The following IFT88 variants were observed in gnomAD, a reference collection of about 807,000 sequenced individuals.
IFT88 encodes intraflagellar transport protein 88 homolog.
IFT88 carries 74 observed loss-of-function variants against 119.5 expected under a neutral mutation model. That is an observed-to-expected ratio of 0.62 (90% CI 0.51 to 0.75). The LOEUF (loss-of-function observed/expected upper bound fraction) is 0.75. Among genes scored for constraint, IFT88 ranks in the 30% least tolerant of loss-of-function variants. The pLI is 0.00. For missense variants in IFT88, 961 were observed against 977.7 expected (o/e 0.98, Z 0.23); for synonymous variants, 279 against 316.7 (o/e 0.88, Z 1.26).
intron 20 of IFT88, among the ~76,000 whole-genome samples, chr13:20,648,557 T>G (rs1234223319): frequency 6.6e-6 from 1 of 151,574 alleles, no homozygotes; most frequent in African/African-American, 2.4e-5. Flanking sequence ...AAAATCGAAA[T>G]AGTACACTAA....
intron 2 of IFT88, among the ~76,000 whole-genome samples, chr13:20,580,840 C>T (rs1202441463): frequency 6.6e-6 from 1 of 151,698 alleles, no homozygotes; most frequent in South Asian, 2.1e-4. Context: ...ATTCTCCTGC[C>T]TCAGCCTCCT....
chr13:20,659,648 CTTT>C (rs34185259), intron 22 of IFT88, among the ~76,000 whole-genome samples: 1 of 138,108 alleles, frequency 7.2e-6, no homozygotes, highest in African/African-American at 2.7e-5. Context: ...ACTTTATGGT[CTTT>C]TTTTTTTTTT....
At chr13:20,677,866 C>A (rs910414832) in intron 24 of IFT88, among the ~76,000 whole-genome samples, 1 of 152,110 alleles carries the variant, frequency 6.6e-6, no homozygotes, top group Non-Finnish European at 1.5e-5. Flanking sequence ...AAAGTAAGAA[C>A]CACTATATTC....
chr13:20,572,929 T>G (rs2036667048), intron 1 of IFT88, among the ~76,000 whole-genome samples: 1 of 152,192 alleles, frequency 6.6e-6, no homozygotes, highest in African/African-American at 2.4e-5. Context: ...GGGATTCTTT[T>G]TTATTGCTGG....
intron 2 of IFT88, among the ~76,000 whole-genome samples, chr13:20,580,143 T>C (rs1364158896): frequency 1.3e-5 from 2 of 152,212 alleles, no homozygotes; most frequent in Non-Finnish European, 2.9e-5. Context: ...TTCAACTACA[T>C]CATAAGCAGT....
intron 15 of IFT88, among the ~76,000 whole-genome samples, chr13:20,627,090 T>G (rs2047461257): frequency 6.6e-6 from 1 of 152,216 alleles, no homozygotes; most frequent in African/African-American, 2.4e-5. Context: ...TAAATACATA[T>G]AATTAATGTA....
At chr13:20,660,934 GTTA>G (rs910166047) in intron 22 of IFT88, among the ~76,000 whole-genome samples, 2 of 152,106 alleles carry the variant, frequency 1.3e-5, no homozygotes, top group African/African-American at 2.4e-5. Context: ...TTTGTGCTCT[GTTA>G]TTATATATAT....
At chr13:20,673,356 C>T (rs758020904) in intron 24 of IFT88, among the ~76,000 whole-genome samples, 44 of 152,156 alleles carry the variant, frequency 2.9e-4, no homozygotes, top group Admixed American at 1.7e-3. Flanking sequence ...TGATAGAACA[C>T]CCGAAAAACT....
At chr13:20,690,642 A>G (rs2058381966) in intron 24 of IFT88, 63 bp from the exon 25 acceptor site, 4 of 1,074,372 alleles carry the variant, frequency 3.7e-6, no homozygotes, top group Admixed American at 3.4e-5. Context: ...TTTAAGATGC[A>G]TAATGTAGTT....
chr13:20,572,402 A>G (rs2036550368), intron 1 of IFT88, among the ~76,000 whole-genome samples: 1 of 152,066 alleles, frequency 6.6e-6, no homozygotes, highest in African/African-American at 2.4e-5. Flanking sequence ...TATTTTTAGT[A>G]GCGATGGGGT....
intron 2 of IFT88, among the ~76,000 whole-genome samples, chr13:20,577,805 C>G (rs1043393886): frequency 6.6e-5 from 10 of 151,882 alleles, no homozygotes; most frequent in African/African-American, 2.2e-4. Context: ...GGATGTTGGT[C>G]TATAATTTTC....
chr13:20,593,671 T>G (rs1461242638), intron 7 of IFT88, among the ~76,000 whole-genome samples: 1 of 152,098 alleles, frequency 6.6e-6, no homozygotes, highest in African/African-American at 2.4e-5. Context: ...GACAGCACAT[T>G]AGCTAATAAA....
intron 3 of IFT88, among the ~76,000 whole-genome samples, chr13:20,586,570 G>C (rs1009642752): frequency 6.6e-6 from 1 of 152,106 alleles, no homozygotes. Context: ...GCAGATAAGG[G>C]TACAAGATGA....
At chr13:20,597,554 C>T (rs1377237085) in intron 9 of IFT88, among the ~76,000 whole-genome samples, 2 of 152,016 alleles carry the variant, frequency 1.3e-5, no homozygotes, top group African/African-American at 2.4e-5. Context: ...ACCATCCTGG[C>T]TAACATGGTG....
chr13:20,640,370 G>A (rs1423064298), intron 17 of IFT88, among the ~76,000 whole-genome samples: 1 of 151,148 alleles, frequency 6.6e-6, no homozygotes, highest in Non-Finnish European at 1.5e-5. Context: ...TCAGGAGATC[G>A]AGACCATCCT....
chr13:20,578,430 G>A (rs1214957467), intron 2 of IFT88, among the ~76,000 whole-genome samples: 1 of 142,984 alleles, frequency 7.0e-6, no homozygotes, highest in Non-Finnish European at 1.5e-5. Context: ...ATTTCTTCAT[G>A]GTTCAATCTT....
intron 21 of IFT88, among the ~76,000 whole-genome samples, chr13:20,654,326 G>A (rs2052369485): frequency 6.6e-6 from 1 of 152,206 alleles, no homozygotes; most frequent in African/African-American, 2.4e-5. Flanking sequence ...AGCTCACACT[G>A]AGACAAGTGT....
chr13:20,604,543 A>G (rs2043109452), intron 12 of IFT88, among the ~76,000 whole-genome samples: 1 of 152,170 alleles, frequency 6.6e-6, no homozygotes, highest in African/African-American at 2.4e-5. Flanking sequence ...AGTTCAATGG[A>G]GAATGTGATT....
intron 13 of IFT88, among the ~76,000 whole-genome samples, chr13:20,613,873 TGAAA>T (rs1443155910): frequency 6.6e-6 from 1 of 152,044 alleles, no homozygotes; most frequent in Non-Finnish European, 1.5e-5. Context: ...ACATGATAAA[TGAAA>T]GAAGCCAGTC....
Sources: gnomAD v4.1 joint callset for allele counts (sites outside exome capture counted in the v4.1 genomes callset) on GRCh38, gnomAD v4.1.1 for gene constraint, MANE v1.5 for transcripts, NCBI Gene and HGNC (gene_info 2026-07-23, HGNC 2026-07-21) for gene names.